The following SSBP2 variants were observed in gnomAD, a reference collection of about 807,000 sequenced individuals.
SSBP2 encodes single stranded DNA binding protein 2.
In SSBP2, 17 loss-of-function variants were observed where a neutral mutation model predicts 61.8. The ratio of observed to expected loss-of-function variants is 0.28; its 90% confidence interval spans 0.19 to 0.41. SSBP2 has a LOEUF of 0.41. SSBP2 is among the 10% of genes least tolerant of loss of function. The pLI is 1.00. For synonymous variants in SSBP2, 139 were observed against 141.3 expected (o/e 0.98, Z 0.12); for missense variants, 310 against 458.7 (o/e 0.68, Z 2.96).
At chr5:81,621,888 T>C (rs148087961) in intron 3 of SSBP2, among the ~76,000 whole-genome samples, 21,482 of 121,234 alleles carry the variant, frequency 0.18, 1,913 homozygotes, top group Non-Finnish European at 0.21. Flanking sequence ...TTCTCACTCA[T>C]AGGTGGGAAT....
chr5:81,604,304 AAAC>A (rs565659220), intron 4 of SSBP2, among the ~76,000 whole-genome samples: 18 of 151,620 alleles, frequency 1.2e-4, no homozygotes, highest in Non-Finnish European at 1.9e-4. Flanking sequence ...ATATAGCAAA[AAAC>A]AACAAGATTT....
At chr5:81,516,923 T>G (rs776519920) in intron 4 of SSBP2, among the ~76,000 whole-genome samples, 2 of 152,094 alleles carry the variant, frequency 1.3e-5, no homozygotes, top group East Asian at 1.9e-4. Flanking sequence ...TTATCCATGA[T>G]CCACAGAAAG....
chr5:81,686,683 C>T (rs1027844152), intron 1 of SSBP2, among the ~76,000 whole-genome samples: 29 of 151,372 alleles, frequency 1.9e-4, no homozygotes, highest in African/African-American at 6.8e-4. Context: ...GGTGAAACCC[C>T]GTCTCTACTA....
intron 5 of SSBP2, among the ~76,000 whole-genome samples, chr5:81,501,554 CTTTCT>C (rs1307462373): frequency 2.2e-5 from 3 of 138,928 alleles, no homozygotes; most frequent in African/African-American, 5.2e-5. Context: ...CCTTTTCTTT[CTTTCT>C]TTTCTTTTTT....
chr5:81,690,493 T>C (rs1245728559), intron 1 of SSBP2, among the ~76,000 whole-genome samples: 1 of 152,012 alleles, frequency 6.6e-6, no homozygotes, highest in Admixed American at 6.5e-5. Context: ...AAGAAGGCCA[T>C]TATATAATGA....
intron 1 of SSBP2, among the ~76,000 whole-genome samples, chr5:81,659,588 C>T (rs1026325302): frequency 1.3e-5 from 2 of 152,038 alleles, no homozygotes; most frequent in Non-Finnish European, 2.9e-5. Context: ...GGCAATACTG[C>T]CCTAAGTAAT....
intron 1 of SSBP2, among the ~76,000 whole-genome samples, chr5:81,745,733 T>C (rs1757314024): frequency 6.6e-6 from 1 of 152,106 alleles, no homozygotes; most frequent in Non-Finnish European, 1.5e-5. Context: ...CTCAGTACTT[T>C]TGTCCTATGT....
intron 3 of SSBP2, among the ~76,000 whole-genome samples, chr5:81,623,102 ACAGTGTATTG>A (rs1746775948): frequency 1.3e-5 from 2 of 152,318 alleles, no homozygotes; most frequent in African/African-American, 2.4e-5. Flanking sequence ...GTTATGCATT[ACAGTGTATTG>A]CAGTAATGTT....
At chr5:81,732,918 A>G (rs758201685) in intron 1 of SSBP2, among the ~76,000 whole-genome samples, 1 of 152,246 alleles carries the variant, frequency 6.6e-6, no homozygotes, top group African/African-American at 2.4e-5. Context: ...TTGTCATTTC[A>G]GACAATTAGA....
intron 4 of SSBP2, among the ~76,000 whole-genome samples, chr5:81,537,719 C>T (rs761467830): frequency 3.3e-5 from 5 of 152,002 alleles, no homozygotes; most frequent in African/African-American, 4.8e-5. Context: ...TGTAGGACAC[C>T]GTGAACCACA....
intron 15 of SSBP2, 150 bp from the exon 16 acceptor site, chr5:81,428,833 C>T: frequency 3.7e-6 from 2 of 540,486 alleles, no homozygotes; most frequent in South Asian, 5.8e-5. Context: ...CTATTTCATT[C>T]TTTGCACTTT....
intron 1 of SSBP2, among the ~76,000 whole-genome samples, chr5:81,673,553 G>T (rs757913086): frequency 6.6e-6 from 1 of 152,062 alleles, no homozygotes; most frequent in African/African-American, 2.4e-5. Flanking sequence ...TATTTGCCCT[G>T]CCAAAAGAGC....
At chr5:81,583,489 G>T (rs958927161) in intron 4 of SSBP2, among the ~76,000 whole-genome samples, 3 of 152,034 alleles carry the variant, frequency 2.0e-5, no homozygotes, top group Admixed American at 2.0e-4. Flanking sequence ...AATTAGCTGG[G>T]CATGGTGGCA....
At chr5:81,578,842 G>A (rs1239148522) in intron 4 of SSBP2, among the ~76,000 whole-genome samples, 3 of 150,972 alleles carry the variant, frequency 2.0e-5, no homozygotes, top group African/African-American at 7.3e-5. Context: ...TTGCTATTTT[G>A]TACGATGGGA....
At position 81,446,905 on chromosome 5, in the gene SSBP2, T is replaced by G. The variant is rs147699998; in HGVS notation, c.741A>C (p.Gly247=). Residue 247 remains glycine, a synonymous_variant, in exon 12 of 17, where the codon GGA becomes GGC. Coordinates refer to ENST00000320672, the MANE Select transcript of SSBP2 (RefSeq NM_012446.5). ...GCATGATGGGTGTTCCTGGTGGCCC[T>G]CCACCTCCTGGAGGACCCTAAATAA... 3.9e-5 allele frequency: 63 copies of G among 1,604,988 alleles called. No individual in the cohort carries two copies. The highest frequency in any genetic ancestry group is 6.7e-5 in the African/African-American group (5 of 74,548).
At chr5:81,748,958 C>G (rs1000248208) in intron 1 of SSBP2, among the ~76,000 whole-genome samples, 3 of 152,090 alleles carry the variant, frequency 2.0e-5, no homozygotes, top group Non-Finnish European at 2.9e-5. Context: ...AAGTTCACCC[C>G]TTCCTGGAAG....
At chr5:81,573,997 C>T (rs986092580) in intron 4 of SSBP2, among the ~76,000 whole-genome samples, 1 of 152,000 alleles carries the variant, frequency 6.6e-6, no homozygotes, top group Admixed American at 6.6e-5. Context: ...AAAAATTAGC[C>T]AGGCGTGGTG....
rs190993307 is a variant in SSBP2, at chr5:81,504,120, C to T, written c.372+9508G>A. ...CTTATATAACAAACCAGCACATGTA[C>T]CCCTGAATCTAAAATAAAAGAAAAA... On this transcript the variant is annotated intron_variant, in intron 5 of 16. Coordinates refer to ENST00000320672, the MANE Select transcript of SSBP2 (RefSeq NM_012446.5). Among the ~76,000 whole-genome samples the T allele has an allele frequency of 5.3e-5, 8 of 152,196 alleles. No individual in the cohort carries two copies. In the East Asian group the frequency reaches 1.5e-3, roughly 29 times the overall value.
intron 6 of SSBP2, among the ~76,000 whole-genome samples, chr5:81,488,217 T>C (rs1357364769): frequency 6.6e-6 from 1 of 151,360 alleles, no homozygotes; most frequent in Non-Finnish European, 1.5e-5. Context: ...ACTGATTTCA[T>C]TTCCTTTGAA....
Sources: gnomAD v4.1 joint callset for allele counts (sites outside exome capture counted in the v4.1 genomes callset) on GRCh38, gnomAD v4.1.1 for gene constraint, MANE v1.5 for transcripts, NCBI Gene and HGNC (gene_info 2026-07-23, HGNC 2026-07-21) for gene names.